The following GTF2I variants were observed in gnomAD, a reference collection of about 807,000 sequenced individuals.
GTF2I encodes the protein general transcription factor IIi.
A neutral mutation model predicts 67.6 loss-of-function variants in GTF2I; 12 were observed. That is an observed-to-expected ratio of 0.18 (90% CI 0.11 to 0.29). The LOEUF is 0.29. Ranked by LOEUF, GTF2I falls within the 10% of genes least tolerant of loss-of-function variation. The pLI, the probability that GTF2I is intolerant of heterozygous loss-of-function variation, is 1.00. For missense variants in GTF2I, 271 were observed against 580.1 expected (o/e 0.47, Z 5.47); for synonymous variants, 149 against 197.0 (o/e 0.76, Z 2.04).
chr7:74,723,015 A>G (rs1285461990), intron 12 of GTF2I, among the ~76,000 whole-genome samples: 2 of 152,110 alleles, frequency 1.3e-5, no homozygotes, highest in Non-Finnish European at 2.9e-5. Flanking sequence ...TATGTTTAAG[A>G]TAGTGCCAGA....
chr7:74,698,116 C>T (rs587706381), intron 3 of GTF2I, among the ~76,000 whole-genome samples: 11 of 152,254 alleles, frequency 7.2e-5, no homozygotes, highest in Admixed American at 5.9e-4. Context: ...CCACCACGCC[C>T]GGAGAATTTT....
intron 2 of GTF2I, among the ~76,000 whole-genome samples, chr7:74,689,578 A>T (rs1200625955): frequency 6.7e-6 from 1 of 150,268 alleles, no homozygotes; most frequent in African/African-American, 2.4e-5. Flanking sequence ...CCGGTCTCGA[A>T]CTCCTGACCT....
intron 1 of GTF2I, among the ~76,000 whole-genome samples, chr7:74,686,354 C>T (rs1223232825): frequency 6.6e-6 from 1 of 152,046 alleles, no homozygotes; most frequent in Non-Finnish European, 1.5e-5. Flanking sequence ...CTCATGATGA[C>T]TTGATGGCAG....
chr7:74,695,871 C>T (rs1226468933), intron 3 of GTF2I, among the ~76,000 whole-genome samples: 1 of 152,182 alleles, frequency 6.6e-6, no homozygotes, highest in Non-Finnish European at 1.5e-5. Context: ...TTATTCTCCC[C>T]TTCCCTGTCC....
intron 6 of GTF2I, among the ~76,000 whole-genome samples, chr7:74,702,388 C>T (rs900972411): frequency 7.2e-5 from 11 of 152,100 alleles, no homozygotes; most frequent in South Asian, 2.1e-4. Flanking sequence ...CCACCACACC[C>T]GGCTAATTTT....
intron 1 of GTF2I, among the ~76,000 whole-genome samples, chr7:74,665,543 G>A (rs978170776): frequency 6.6e-6 from 1 of 152,076 alleles, no homozygotes; most frequent in Non-Finnish European, 1.5e-5. Flanking sequence ...GAGCCACCAC[G>A]CCTGGCCCCT....
rs370952842 is a variant in GTF2I at position 74,702,324 on chromosome 7, T to G, written c.586+1690T>G. Among the ~76,000 whole-genome samples the G allele has an allele frequency of 2.0e-5, 3 of 152,114 alleles. No individual in the cohort carries two copies. The South Asian group carries it at 6.2e-4, about 31-fold the overall frequency. On this transcript the variant is annotated intron_variant, in intron 6 of 34. Transcript: ENST00000573035. ...CTCACTGCAACCTCCGCCTCGTGGA[T>G]TCAAGAGATTCACCTGCCTCAGCCT... is the stretch of plus-strand genomic sequence containing the variant.
At chr7:74,692,543 C>T (rs587708843) in intron 3 of GTF2I, among the ~76,000 whole-genome samples, 64 of 152,316 alleles carry the variant, frequency 4.2e-4, no homozygotes, top group East Asian at 3.5e-3. Context: ...CAGTGGTGAG[C>T]TTATTTGACA....
In GTF2I at chr7:74,705,231, T is replaced by C. The variant is rs1554401039; in HGVS notation, c.641+13T>C. ...CTCCAGGTGGAAGGTAAAACCTAAT[T>C]TCATTACTGCTGTTTAACTCCCACA... On this transcript the variant is annotated intron_variant, in intron 7 of 34. Coordinates refer to ENST00000573035, the MANE Select transcript of GTF2I (RefSeq NM_032999.4). 6.6e-7 allele frequency: 1 copy of C among 1,510,306 alleles called. No individual in the cohort carries two copies. The highest frequency in any genetic ancestry group is 9.2e-7 in the Non-Finnish European group (1 of 1,085,838). 93.6% of individuals were successfully genotyped at this position (1,510,306 alleles called of 1,614,324 possible). A position where few individuals can be genotyped will look rare whatever the true frequency, so the allele number is the denominator to read the frequency against.
chr7:74,703,876 A>G (rs782090367), intron 6 of GTF2I, among the ~76,000 whole-genome samples: 13 of 152,332 alleles, frequency 8.5e-5, no homozygotes, highest in Admixed American at 2.6e-4. Flanking sequence ...TGGATATCCA[A>G]TGATTCCAGG....
chr7:74,698,107 C>T (rs1433140709), intron 3 of GTF2I, among the ~76,000 whole-genome samples: 1 of 152,210 alleles, frequency 6.6e-6, no homozygotes, highest in African/African-American at 2.4e-5. Flanking sequence ...AGGCGCCCGC[C>T]ACCACGCCCG....
intron 9 of GTF2I, among the ~76,000 whole-genome samples, chr7:74,713,428 A>G (rs1191094048): frequency 6.6e-6 from 1 of 152,192 alleles, no homozygotes; most frequent in Non-Finnish European, 1.5e-5. Context: ...TTTAACATTT[A>G]TATGCTAAAT....
At chr7:74,693,599 C>G (rs587611543) in intron 3 of GTF2I, among the ~76,000 whole-genome samples, 2 of 152,116 alleles carry the variant, frequency 1.3e-5, no homozygotes, top group Admixed American at 1.3e-4. Context: ...GTCATCCTAG[C>G]ACTTTGGGAG....
Position 74,700,250 on chromosome 7 carries a change from A to G in GTF2I, c.377A>G (p.Lys126Arg). The change falls in exon 5 of 35, where the codon AAA becomes AGA. Residue 126 changes from lysine to arginine, a missense_variant. Coordinates refer to ENST00000573035, the MANE Select transcript of GTF2I (RefSeq NM_032999.4). ...VEDYFCFCYG[K>R]ALGKSTVVPV... is the part of the protein sequence containing the mutation. ...ATCCGCTTTTCATCTGCCCCAGGGA[A>G]AGCTTTAGGCAAATCCACAGTGGTA... 1 of 1,613,696 alleles carries G rather than the reference A, an allele frequency of 6.2e-7. No individual in the cohort carries two copies. The highest frequency in any genetic ancestry group is 8.5e-7 in the Non-Finnish European group (1 of 1,179,782).
intron 12 of GTF2I, among the ~76,000 whole-genome samples, chr7:74,721,945 C>T (rs908058636): frequency 6.6e-6 from 1 of 151,902 alleles, no homozygotes; most frequent in Non-Finnish European, 1.5e-5. Flanking sequence ...TTGGAAAATA[C>T]TCATGCTTGG....
chr7:74,690,462 T>A (rs1232589168), intron 2 of GTF2I, among the ~76,000 whole-genome samples: 2 of 152,194 alleles, frequency 1.3e-5, no homozygotes, highest in African/African-American at 4.8e-5. Flanking sequence ...TCTGGCTGTG[T>A]GTACACAGGG....
chr7:74,713,949 T>C (rs1476725614), intron 9 of GTF2I, among the ~76,000 whole-genome samples: 1 of 152,158 alleles, frequency 6.6e-6, no homozygotes, highest in African/African-American at 2.4e-5. Flanking sequence ...AATTGATTTT[T>C]TTCTCTGATG....
intron 1 of GTF2I, among the ~76,000 whole-genome samples, chr7:74,680,118 G>A (rs71558541): frequency 0.14 from 14,995 of 105,096 alleles, 1,750 homozygotes; most frequent in African/African-American, 0.25. Context: ...ATATATATAT[G>A]TATGTATGTA....
chr7:74,681,155 C>T (rs1315189411), intron 1 of GTF2I, among the ~76,000 whole-genome samples: 12 of 152,154 alleles, frequency 7.9e-5, no homozygotes, highest in Admixed American at 7.2e-4. Flanking sequence ...AAATGGGAGG[C>T]TGGGCGCAGT....
Sources: allele counts gnomAD v4.1 joint callset (sites outside exome capture counted in the v4.1 genomes callset), GRCh38; gene constraint gnomAD v4.1.1; transcripts MANE v1.5; gene names NCBI Gene and HGNC (gene_info 2026-07-23, HGNC 2026-07-21).